Variants in CPSF3 observed in about 807,000 individuals in gnomAD.
The protein encoded by CPSF3 is cleavage and polyadenylation specificity factor subunit 3.
A neutral mutation model predicts 84.1 loss-of-function variants in CPSF3; 57 were observed. The ratio of observed to expected loss-of-function variants is 0.68; its 90% CI spans 0.55 to 0.85. The LOEUF is 0.85. Among genes scored for constraint, CPSF3 ranks in the 40% least tolerant of loss-of-function variants. The pLI is 0.00. For synonymous variants in CPSF3, 275 were observed against 278.1 expected (o/e 0.99, Z 0.11); for missense variants, 522 against 838.8 (o/e 0.62, Z 4.66).
chr2:9,447,520 T>C (rs1316857989), intron 10 of CPSF3, among the ~76,000 whole-genome samples: 1 of 151,952 alleles, frequency 6.6e-6, no homozygotes, highest in South Asian at 2.1e-4. Context: ...GCACAGTGGC[T>C]CAAGCCTGTA....
chr2:9,428,669 G>A (rs932724587), intron 1 of CPSF3, 96 bp from the exon 2 acceptor site: 1 of 752,228 alleles, frequency 1.3e-6, no homozygotes, highest in African/African-American at 1.8e-5. Flanking sequence ...GCTGTCATCA[G>A]ATGGCATGTA....
At chr2:9,445,759 ACTT>A (rs1481877888) in intron 10 of CPSF3, among the ~76,000 whole-genome samples, 1 of 152,126 alleles carries the variant, frequency 6.6e-6, no homozygotes, top group Non-Finnish European at 1.5e-5. Flanking sequence ...TCCTGGTTCT[ACTT>A]CTGCTGACAG....
In CPSF3 at chr2:9,448,091, T is replaced by C. The variant is rs1007880451; in HGVS notation, c.1243-107T>C. 1.7e-4 allele frequency: 97 copies of C among 578,186 alleles called. No individual in the cohort carries two copies. The African/African-American group carries it at 1.8e-3, about 10-fold the overall frequency. The allele number at this position is 578,186 out of a possible 1,614,324, so 35.8% of individuals were successfully genotyped here. On this transcript the variant is annotated intron_variant, in intron 10 of 17. Transcript: ENST00000238112. ...TAAAGTTTCATAACTTCCAAGTATG[T>C]CTCTATTTCATATATTAAATATATT...
At chr2:9,451,749 G>A (rs1400840307) in intron 11 of CPSF3, among the ~76,000 whole-genome samples, 2 of 136,084 alleles carry the variant, frequency 1.5e-5, no homozygotes, top group Non-Finnish European at 3.0e-5. Context: ...AAAAAGTCTC[G>A]CTCTGTCTCC....
At chr2:9,423,892 G>A in intron 1 of CPSF3, 69 bp downstream of exon 1, 1 of 1,581,076 alleles carries the variant, frequency 6.3e-7, no homozygotes. Flanking sequence ...CCGGAGACTG[G>A]CCTCCTCCGT....
At chr2:9,471,525 C>A in intron 17 of CPSF3, 86 bp downstream of exon 17, 5 of 804,376 alleles carry the variant, frequency 6.2e-6, no homozygotes, top group East Asian at 2.5e-5. Flanking sequence ...ACTCAACAGT[C>A]TACTGTTGCA....
chr2:9,459,659 T>TG, intron 15 of CPSF3, 41 bp downstream of exon 15: 1 of 988,886 alleles, frequency 1.0e-6, no homozygotes, highest in Non-Finnish European at 1.4e-6. Context: ...TTTTTTTTTT[T>TG]TTTTTTTGGA....
chr2:9,430,873 A>G lies in CPSF3; in HGVS notation c.334A>G (p.Lys112Glu). The part of the protein sequence containing the change: ...IYRWLLSDYV[K>E]VSNISADDML... Reference sequence around the variant, plus strand: ...TAGATGGCTTCTTTCTGATTATGTCAAAGTTAGGTAAATTACTTTATTAGA... The same window carrying G: ...TAGATGGCTTCTTTCTGATTATGTCGAAGTTAGGTAAATTACTTTATTAGA... Residue 112 changes from lysine to glutamate, a missense_variant, in exon 4 of 18, where the codon AAA becomes GAA. By Grantham distance (56) the Lys-to-Glu change is moderately conservative. This residue lies in a region of CPSF3 where 329 missense variants were observed against 607.2 expected (regional missense o/e 0.54). Transcript: ENST00000238112. 1.2e-6 allele frequency: 2 copies of G among 1,611,754 alleles called. No homozygotes were observed. The highest frequency in any genetic ancestry group is 1.7e-6 in the Non-Finnish European group (2 of 1,178,198).
Position 9,443,571 on chromosome 2 carries a change from G to T in CPSF3, c.1152G>T (p.Leu384=). 1 of 1,614,068 alleles carries T rather than the reference G, an allele frequency of 6.2e-7. No individual in the cohort carries two copies. Among genetic ancestry groups the T allele is most frequent in the Non-Finnish European group, 8.5e-7 (1 of 1,179,942 alleles). Residue 384 remains leucine (L), a synonymous_variant, in exon 10 of 18, where the codon CTG becomes CTT. Transcript: ENST00000238112. ...ITTMSGQKLP[L]KMSVDYISFS... is the part of the protein sequence containing the mutation. ...CTATGTCTGGACAGAAGTTACCACT[G>T]AAAATGTCTGTTGATTACATTTCTT...
intron 8 of CPSF3, 138 bp from the exon 9 acceptor site, chr2:9,441,680 A>T: frequency 2.3e-6 from 2 of 880,350 alleles, no homozygotes; most frequent in Non-Finnish European, 3.4e-6. Flanking sequence ...AACTGAACTT[A>T]AAATGTTTAC....
chr2:9,470,240 A>T (rs1408649207), intron 16 of CPSF3, among the ~76,000 whole-genome samples: 1 of 152,194 alleles, frequency 6.6e-6, no homozygotes, highest in African/African-American at 2.4e-5. Flanking sequence ...AAATAAAATA[A>T]AATATAATCT....
At chr2:9,440,456 C>T (rs1332960258) in intron 7 of CPSF3, 35 bp from the exon 8 acceptor site, 1 of 1,582,930 alleles carries the variant, frequency 6.3e-7, no homozygotes, top group Non-Finnish European at 8.7e-7. Context: ...CCCCATCTAA[C>T]AAAGTGATGT....
chr2:9,445,578 A>G lies in CPSF3; in HGVS notation c.1242+1917A>G, dbSNP rs539452804. On this transcript the variant is annotated intron_variant, in intron 10 of 17. Coordinates refer to ENST00000238112, the MANE Select transcript of CPSF3 (RefSeq NM_016207.4). Reference sequence around the variant, plus strand: ...GTCAAGAAAAATCACTCTCCTGTCTATAGCATCACAGTGTGTAGGGTTTAG... The same window carrying G: ...GTCAAGAAAAATCACTCTCCTGTCTGTAGCATCACAGTGTGTAGGGTTTAG... Among the ~76,000 whole-genome samples the G allele has an allele frequency of 1.3e-4, 20 of 152,252 alleles. No individual in the cohort carries two copies. In the South Asian group the frequency reaches 3.9e-3, roughly 30 times the overall value.
intron 16 of CPSF3, among the ~76,000 whole-genome samples, chr2:9,469,150 G>A (rs904435951): frequency 3.9e-5 from 6 of 152,138 alleles, no homozygotes; most frequent in Non-Finnish European, 7.4e-5. Flanking sequence ...GGAGCCTCTG[G>A]TTCTCTTAAC....
chr2:9,441,612 C>T (rs7582154), intron 8 of CPSF3: 280,557 of 551,860 alleles, frequency 0.51, 77,913 homozygotes, highest in Middle Eastern at 0.64. Flanking sequence ...GTGAACTTAC[C>T]GCTTTTTATT....
chr2:9,458,752 G>C (rs556451504), intron 14 of CPSF3, among the ~76,000 whole-genome samples: 1 of 152,008 alleles, frequency 6.6e-6, no homozygotes, highest in Non-Finnish European at 1.5e-5. Flanking sequence ...GTCAGAGATT[G>C]TACCCTAGGA....
rs1273419026 is a variant in CPSF3, at chr2:9,440,681, A to G, written c.936+15A>G. 1.9e-6 allele frequency: 3 copies of G among 1,613,534 alleles called. No individual in the cohort carries two copies. The highest frequency in any genetic ancestry group is 2.2e-5 in the South Asian group (2 of 91,018). On this transcript the variant is annotated intron_variant, in intron 8 of 17. Coordinates refer to ENST00000238112, the MANE Select transcript of CPSF3 (RefSeq NM_016207.4). ...GTAACCTCAAGGTGAGTGCTTGTGG[A>G]AGAAAGACAAGGATGGATAAAACCA...
chr2:9,443,891 A>G lies in CPSF3; in HGVS notation c.1242+230A>G, dbSNP rs73154772. On this transcript the variant is annotated intron_variant, in intron 10 of 17. Coordinates refer to ENST00000238112, the MANE Select transcript of CPSF3 (RefSeq NM_016207.4). ...CTCAGACCTACCAACCCCAATCCTA[A>G]TGTTTTTCTGTTATTTTCTGCTGCC... Among the ~76,000 whole-genome samples the G allele has an allele frequency of 5.1e-3, 768 of 151,876 alleles. 1 individual carries two copies. The highest frequency in any genetic ancestry group is 0.018 in the African/African-American group (732 of 41,422).
chr2:9,437,980 C>T (rs994351545), intron 7 of CPSF3, among the ~76,000 whole-genome samples: 15 of 152,096 alleles, frequency 9.9e-5, no homozygotes, highest in Non-Finnish European at 1.3e-4. Flanking sequence ...CCAGGGTGGG[C>T]GACACAATGA....
Sources: gnomAD v4.1 joint callset for allele counts (sites outside exome capture counted in the v4.1 genomes callset) on GRCh38, gnomAD v4.1.1 for gene constraint, gnomAD v4.1.1 regional missense constraint, MANE v1.5 for transcripts, NCBI Gene and HGNC (gene_info 2026-07-23, HGNC 2026-07-21) for gene names.